The following RASSF5 variants were observed in gnomAD, a reference collection of about 807,000 sequenced individuals.
The protein encoded by RASSF5 is Ras association domain family member 5.
RASSF5 carries 25 observed loss-of-function variants against 40.5 expected under a neutral mutation model. The ratio of observed to expected loss-of-function variants is 0.62; its 90% confidence interval spans 0.45 to 0.86. The LOEUF is 0.86. Among genes scored for constraint, RASSF5 ranks in the 40% least tolerant of loss-of-function variants. The probability of loss-of-function intolerance (pLI) is 0.00; values close to 1 mark genes in which losing one functional copy is unlikely to be tolerated. For synonymous variants in RASSF5, 246 were observed against 252.4 expected (o/e 0.97, Z 0.24); for missense variants, 521 against 572.8 (o/e 0.91, Z 0.92).
intron 1 of RASSF5, among the ~76,000 whole-genome samples, chr1:206,526,834 CCACAGGAAG>C (rs1667109322): frequency 6.6e-6 from 1 of 152,100 alleles, no homozygotes; most frequent in African/African-American, 2.4e-5. Context: ...CATGCTGAGT[CCACAGGAAG>C]CTGGGTGGAC....
At chr1:206,540,157 C>T (rs1223646691) in intron 2 of RASSF5, among the ~76,000 whole-genome samples, 1 of 152,146 alleles carries the variant, frequency 6.6e-6, no homozygotes, top group Non-Finnish European at 1.5e-5. Context: ...CATAGAACAG[C>T]CCCCCACAAC....
chr1:206,568,498 G>A (rs1302789895), intron 2 of RASSF5, among the ~76,000 whole-genome samples: 1 of 152,164 alleles, frequency 6.6e-6, no homozygotes, highest in Non-Finnish European at 1.5e-5. Flanking sequence ...AAGCATGGGC[G>A]GTGTGGGTAT....
chr1:206,538,042 G>T, intron 1 of RASSF5, 130 bp from the exon 2 acceptor site: 1 of 1,309,742 alleles, frequency 7.6e-7, no homozygotes, highest in Admixed American at 1.8e-5. Flanking sequence ...GCTGTCTCCC[G>T]CCCCACCACT....
chr1:206,568,559 A>G (rs1212621347), intron 2 of RASSF5, among the ~76,000 whole-genome samples: 2 of 152,126 alleles, frequency 1.3e-5, no homozygotes, highest in African/African-American at 4.8e-5. Flanking sequence ...GCTCCCACAC[A>G]CCACCTCTGA....
At chr1:206,538,762 C>G (rs916417314) in intron 2 of RASSF5, among the ~76,000 whole-genome samples, 2 of 152,184 alleles carry the variant, frequency 1.3e-5, no homozygotes, top group Admixed American at 6.5e-5. Context: ...GCTTTTGGTT[C>G]TGGGTTTTGT....
At position 206,531,635 on chromosome 1, in the gene RASSF5, G is replaced by A. The variant is rs1553397964; in HGVS notation, c.458-6537G>A. 6.6e-6 allele frequency among the ~76,000 whole-genome samples: 1 copy of A among 152,176 alleles called. No homozygotes were observed. The highest frequency in any genetic ancestry group is 1.5e-5 in the Non-Finnish European group (1 of 68,028). On this transcript the variant is annotated intron_variant, in intron 1 of 5. Transcript: ENST00000579436. The surrounding 1 kb of genome is among the most constrained non-coding windows in gnomAD (Gnocchi z 4.7). ...TGGGGCAACACCCAGTGGAAAAATG[G>A]GGGATTCTTAAAGGAGAATCCCCTT... is the stretch of plus-strand genomic sequence containing the variant.
At chr1:206,571,370 T>C (rs1267851473) in intron 2 of RASSF5, 3 of 152,076 alleles carry the variant, frequency 2.0e-5, no homozygotes, top group Admixed American at 6.6e-5. Context: ...ACTCTCTAAA[T>C]TGGCCTGAAA....
chr1:206,584,822 T>A lies in RASSF5; in HGVS notation c.988+138T>A. 1 of 908,084 alleles carries A rather than the reference T, an allele frequency of 1.1e-6. No homozygotes were observed. The highest frequency in any genetic ancestry group is 1.7e-6 in the Non-Finnish European group (1 of 599,158). 56.3% of individuals were successfully genotyped at this position (908,084 alleles called of 1,614,324 possible). A position where few individuals can be genotyped will look rare whatever the true frequency, so the allele number is the denominator to read the frequency against. On this transcript the variant is annotated intron_variant, in intron 4 of 5. Coordinates refer to ENST00000579436, the MANE Select transcript of RASSF5 (RefSeq NM_182663.4). The surrounding 1 kb of genome is among the most constrained non-coding windows in gnomAD (Gnocchi z 4.9). ...AGGGGTCCAGCTGCCCATGTGGTGT[T>A]CAGATCTGTGGAATCCGGGCAGGGA...
At chr1:206,569,848 T>C (rs1668392384) in intron 2 of RASSF5, among the ~76,000 whole-genome samples, 5 of 151,994 alleles carry the variant, frequency 3.3e-5, no homozygotes, top group Admixed American at 2.6e-4. Context: ...TCATTTTGCA[T>C]CCCAGGAGAG....
chr1:206,557,481 G>A (rs1668022108), intron 2 of RASSF5: 7 of 1,575,238 alleles, frequency 4.4e-6, no homozygotes, highest in Non-Finnish European at 6.0e-6. Context: ...TACGCCAAGC[G>A]GAGCCCGGGG....
At chr1:206,518,512 A>C in intron 1 of RASSF5, 4 of 398,760 alleles carry the variant, frequency 1.0e-5, no homozygotes, top group Non-Finnish European at 1.8e-5. Context: ...CAGATCCTGC[A>C]GAGGTTCCGC....
At chr1:206,555,734 A>G (rs1374757458) in intron 2 of RASSF5, among the ~76,000 whole-genome samples, 1 of 152,010 alleles carries the variant, frequency 6.6e-6, no homozygotes, top group Non-Finnish European at 1.5e-5. Flanking sequence ...TGGGGTGCTG[A>G]CTCTCAGCTC....
intron 2 of RASSF5, among the ~76,000 whole-genome samples, chr1:206,554,244 C>T (rs1376502963): frequency 1.3e-5 from 2 of 152,114 alleles, no homozygotes; most frequent in African/African-American, 4.8e-5. Flanking sequence ...AACCTGATGT[C>T]CATAGTTGCT....
At chr1:206,573,923 C>T (rs116773612) in intron 2 of RASSF5, among the ~76,000 whole-genome samples, 1 of 152,234 alleles carries the variant, frequency 6.6e-6, no homozygotes, top group Non-Finnish European at 1.5e-5. Flanking sequence ...ATGGCCAGCA[C>T]AGGCCACCTG....
rs1669018313 is a variant in RASSF5 at position 206,584,368 on chromosome 1, G to A, written c.691-19G>A. The A allele has an allele frequency of 6.3e-7, 1 of 1,597,336 alleles. No homozygotes were observed. The highest frequency in any genetic ancestry group is 8.5e-7 in the Non-Finnish European group (1 of 1,170,840). On this transcript the variant is annotated intron_variant, in intron 3 of 5. Transcript: ENST00000579436. The surrounding 1 kb of genome is among the most constrained non-coding windows in gnomAD (Gnocchi z 4.9). ...AAGGCGGACGGCCCTGACCCCCTGT[G>A]ACATGCCCCCGCTGGCAGAGTGAAG...
rs1668416124 is a variant in RASSF5, at chr1:206,570,508, C to T, written c.580-12761C>T. 1.3e-5 allele frequency among the ~76,000 whole-genome samples: 2 copies of T among 151,986 alleles called. 1 individual carries two copies. Among genetic ancestry groups the T allele is most frequent in the South Asian group, 4.2e-4 (2 of 4,814 alleles). ...CTTTTGTTTTCCCCAACTGAAACTC[C>T]TTACCAATTAAACAGTAACTCCCTA... On this transcript the variant is annotated intron_variant, in intron 2 of 5. Coordinates refer to ENST00000579436, the MANE Select transcript of RASSF5 (RefSeq NM_182663.4).
chr1:206,557,384 C>A, intron 2 of RASSF5: 2 of 1,356,454 alleles, frequency 1.5e-6, no homozygotes, highest in South Asian at 3.6e-5. Context: ...GCGCTCGCAC[C>A]CCGCTGAAAG....
At chr1:206,516,132 T>C (rs921354626) in intron 1 of RASSF5, among the ~76,000 whole-genome samples, 1 of 152,196 alleles carries the variant, frequency 6.6e-6, no homozygotes, top group Non-Finnish European at 1.5e-5. Context: ...ATGGCTGAAC[T>C]TGCCTCCAGC....
At chr1:206,566,018 A>C (rs1889064) in intron 2 of RASSF5, among the ~76,000 whole-genome samples, 131,865 of 152,204 alleles carry the variant, frequency 0.87, 57,336 homozygotes, top group East Asian at 1. Context: ...ACCATCTTAG[A>C]CTAAGTTAAT....
Sources: allele counts gnomAD v4.1 joint callset (sites outside exome capture counted in the v4.1 genomes callset), GRCh38; gene constraint gnomAD v4.1.1; non-coding constraint Gnocchi (gnomAD v3.1); transcripts MANE v1.5; gene names NCBI Gene and HGNC (gene_info 2026-07-23, HGNC 2026-07-21).